PARD3B: variants seen among roughly 807,000 people sequenced by gnomAD.
PARD3B encodes the protein partitioning defective 3 homolog B.
Under a neutral mutation model 130.2 loss-of-function variants are expected in PARD3B, and 103 were observed. The observed-to-expected ratio is 0.79, with a 90% CI of 0.67 to 0.93. PARD3B has a LOEUF of 0.93. Ranked by LOEUF, PARD3B falls within the 40% of genes least tolerant of loss-of-function variation. The pLI is 0.00. For missense variants in PARD3B, 1,609 were observed against 1,499.2 expected, an observed-to-expected ratio of 1.07 and a Z score of -1.21; for synonymous variants, 583 against 553.2, an observed-to-expected ratio of 1.05 and a Z score of -0.76.
Position 205,121,707 on chromosome 2 carries a change from G to T in PARD3B, c.923G>T (p.Gly308Val). The change falls in exon 8 of 23, where the codon GGT (glycine) becomes GTT (valine). Residue 308 changes from glycine (G) to valine (V), a missense_variant. Coordinates refer to ENST00000406610, the MANE Select transcript of PARD3B (RefSeq NM_001302769.2). The surrounding 1 kb of genome is among the most constrained non-coding windows in gnomAD (Gnocchi z 5.0). ...GTCATTGGCTCTCTTAACATTTTTG[G>T]TAATAATGATGGCGTTTTGAAAACC... ...KSVIGSLNIF[G>V]NNDGVLKTKV... 1 of 1,614,118 alleles carries T rather than the reference G, an allele frequency of 6.2e-7. No homozygotes were observed. Among genetic ancestry groups the T allele is most frequent in the East Asian group, 2.2e-5 (1 of 44,878 alleles).
intron 1 of PARD3B, among the ~76,000 whole-genome samples, chr2:204,657,249 C>G (rs948613836): frequency 6.6e-6 from 1 of 152,176 alleles, no homozygotes; most frequent in Non-Finnish European, 1.5e-5. Flanking sequence ...GTGAGCTGGG[C>G]ACAGTGACTC....
At chr2:204,934,309 C>T (rs931698254) in intron 2 of PARD3B, among the ~76,000 whole-genome samples, 2 of 152,176 alleles carry the variant, frequency 1.3e-5, no homozygotes, top group Non-Finnish European at 2.9e-5. Context: ...GAAACAGTGA[C>T]ACTTTGTGGG....
intron 1 of PARD3B, among the ~76,000 whole-genome samples, chr2:204,645,804 G>A (rs1396331712): frequency 6.6e-6 from 1 of 152,070 alleles, no homozygotes; most frequent in African/African-American, 2.4e-5. Flanking sequence ...AATTCCAAAA[G>A]CATCTTCTGT....
chr2:205,382,003 C>A (rs954979160), intron 18 of PARD3B, among the ~76,000 whole-genome samples: 32 of 152,032 alleles, frequency 2.1e-4, no homozygotes, highest in African/African-American at 7.5e-4. Context: ...ATACTTTTTA[C>A]CCAATAATTA....
chr2:204,874,984 T>C (rs1226355846), intron 2 of PARD3B, among the ~76,000 whole-genome samples: 1 of 152,252 alleles, frequency 6.6e-6, no homozygotes, highest in Non-Finnish European at 1.5e-5. Flanking sequence ...CTTCTTTAGC[T>C]ATTCCTGTGG....
chr2:205,401,820 T>G (rs1473273941), intron 19 of PARD3B, among the ~76,000 whole-genome samples: 2 of 152,194 alleles, frequency 1.3e-5, no homozygotes, highest in Non-Finnish European at 2.9e-5. Flanking sequence ...TCCTGAAAAT[T>G]CTTTGCCTTC....
chr2:205,172,475 G>T (rs1040499619), intron 12 of PARD3B, 94 bp downstream of exon 12: 1 of 1,279,578 alleles, frequency 7.8e-7, no homozygotes, highest in Non-Finnish European at 1.1e-6. Flanking sequence ...GATTCATATC[G>T]AGAAAATATG....
intron 4 of PARD3B, among the ~76,000 whole-genome samples, chr2:205,097,277 A>G (rs1429818595): frequency 6.6e-6 from 1 of 152,152 alleles, no homozygotes; most frequent in Non-Finnish European, 1.5e-5. Flanking sequence ...CATAAGTAAT[A>G]AGGTCAACAT....
At chr2:204,865,069 G>C (rs1045405382) in intron 2 of PARD3B, among the ~76,000 whole-genome samples, 1 of 151,878 alleles carries the variant, frequency 6.6e-6, no homozygotes, top group Non-Finnish European at 1.5e-5. Flanking sequence ...TCAAAACCAC[G>C]ATATGATATC....
chr2:205,440,391 G>A lies in PARD3B; in HGVS notation c.2763G>A (p.Glu921=). 1 of 1,613,958 alleles carries A rather than the reference G, an allele frequency of 6.2e-7. No homozygotes were observed. Among genetic ancestry groups the A allele is most frequent in the African/African-American group, 1.3e-5 (1 of 75,020 alleles). ...TCAGGATTGGAGCAAAACATCAGGA[G>A]CTAAGGGAAAAGCAGGCAAGAGGTC... ...ERERIGAKHQ[E]LREKQARGLL... The change falls in exon 20 of 23, where the codon GAG becomes GAA. Residue 921 remains glutamate, a synonymous_variant. Coordinates refer to ENST00000406610, the MANE Select transcript of PARD3B (RefSeq NM_001302769.2). The surrounding 1 kb of genome is among the most constrained non-coding windows in gnomAD (Gnocchi z 4.2).
chr2:205,167,306 C>G (rs1559503119), intron 11 of PARD3B, among the ~76,000 whole-genome samples: 1 of 152,116 alleles, frequency 6.6e-6, no homozygotes. Context: ...TACATAACGA[C>G]CCCTCACTCC....
chr2:205,284,226 T>G (rs1041120669), intron 16 of PARD3B, among the ~76,000 whole-genome samples: 1 of 152,248 alleles, frequency 6.6e-6, no homozygotes, highest in East Asian at 1.9e-4. Flanking sequence ...AGCTTAATTC[T>G]GTTACTTCAT....
At chr2:205,136,782 C>G (rs1038834897) in intron 10 of PARD3B, among the ~76,000 whole-genome samples, 11 of 152,210 alleles carry the variant, frequency 7.2e-5, no homozygotes, top group Non-Finnish European at 1.5e-4. Context: ...GAAATGTTCT[C>G]TTCTATGATA....
In PARD3B at chr2:205,300,786, C is replaced by A. The variant is rs1306789539; in HGVS notation, c.2392+50C>A. The A allele has an allele frequency of 6.5e-7, 1 of 1,536,578 alleles. No individual in the cohort carries two copies. The highest frequency in any genetic ancestry group is 8.9e-7 in the Non-Finnish European group (1 of 1,119,154). The stretch of plus-strand genomic sequence containing the variant: ...GGCTTCTTCATCTCATTATTATCTG[C>A]AAATCATGGGCAAGAATGTGTGCTC... On this transcript the variant is annotated intron_variant, in intron 17 of 22. Coordinates refer to ENST00000406610, the MANE Select transcript of PARD3B (RefSeq NM_001302769.2). The surrounding 1 kb of genome is among the most constrained non-coding windows in gnomAD (Gnocchi z 4.1).
In PARD3B at chr2:205,499,947, G is replaced by C. The variant is rs748953674; in HGVS notation, c.3096G>C (p.Glu1032Asp). ...ACCGTATCCAGAAGTTGCGGAAAGAGTATTATCAGGCTCGGAGGGAAGGTT... is the reference window on the plus strand; with the variant it reads ...ACCGTATCCAGAAGTTGCGGAAAGACTATTATCAGGCTCGGAGGGAAGGTT... ...STDRIQKLRK[E>D]YYQARREGFP... The change falls in exon 21 of 23, where the codon GAG (glutamate) becomes GAC (aspartate). Residue 1032 changes from glutamate (E) to aspartate (D), a missense_variant. By Grantham distance (45) the Glu-to-Asp change is conservative. Coordinates refer to ENST00000406610, the MANE Select transcript of PARD3B (RefSeq NM_001302769.2). 9.3e-6 allele frequency: 15 copies of C among 1,613,914 alleles called. No individual in the cohort carries two copies. The highest frequency in any genetic ancestry group is 1.2e-5 in the Non-Finnish European group (14 of 1,179,818).
At chr2:205,430,727 A>G (rs1044707422) in intron 19 of PARD3B, among the ~76,000 whole-genome samples, 16 of 152,362 alleles carry the variant, frequency 1.1e-4, no homozygotes, top group African/African-American at 3.6e-4. Context: ...GGTTTCCGCA[A>G]TAACCCAAAG....
At position 204,545,975 on chromosome 2, in the gene PARD3B, C is replaced by A. The variant is rs1350997907; in HGVS notation, c.-25C>A. On this transcript the variant is annotated 5_prime_UTR_variant, in exon 1 of 23. Coordinates refer to ENST00000406610, the MANE Select transcript of PARD3B (RefSeq NM_001302769.2). ...GGGGTCAGACACCTGTTCGGCCCGG[C>A]CCGGCGTGGTCGCCGGGGGCCAGGA... The A allele has an allele frequency of 1.9e-6, 3 of 1,545,014 alleles. No individual in the cohort carries two copies. The highest frequency in any genetic ancestry group is 2.6e-6 in the Non-Finnish European group (3 of 1,145,430).
intron 3 of PARD3B, among the ~76,000 whole-genome samples, chr2:205,004,040 A>G (rs1169526665): frequency 2.6e-5 from 4 of 152,214 alleles, no homozygotes; most frequent in African/African-American, 9.6e-5. Flanking sequence ...TTCCAGAAAC[A>G]AAGTTAAGGA....
chr2:205,315,340 G>A (rs2042528607), intron 18 of PARD3B, among the ~76,000 whole-genome samples: 2 of 152,082 alleles, frequency 1.3e-5, no homozygotes, highest in African/African-American at 4.8e-5. Flanking sequence ...GAGACTAAAC[G>A]AGATAATAGA....
Sources: allele counts gnomAD v4.1 joint callset (sites outside exome capture counted in the v4.1 genomes callset), GRCh38; gene constraint gnomAD v4.1.1; non-coding constraint Gnocchi (gnomAD v3.1); transcripts MANE v1.5; gene names NCBI Gene and HGNC (gene_info 2026-07-23, HGNC 2026-07-21).